Variants in TM4SF19 observed in about 807,000 individuals in gnomAD.
TM4SF19 encodes transmembrane 4 L six family member 19.
In TM4SF19, 17 loss-of-function variants were observed where a neutral mutation model predicts 21.8. The observed-to-expected ratio is 0.78, with a 90% CI of 0.53 to 1.17. The LOEUF (loss-of-function observed/expected upper bound fraction) is 1.17, where lower values mean the gene tolerates loss of function less well. Among genes scored for constraint, TM4SF19 ranks in the 50% most tolerant of loss-of-function variants. The probability of loss-of-function intolerance (pLI) is 0.00; values close to 1 mark genes in which losing one functional copy is unlikely to be tolerated. For missense variants in TM4SF19, 216 were observed against 252.1 expected, an observed-to-expected ratio of 0.86 and a Z score of 0.97; for synonymous variants, 107 against 106.7, an observed-to-expected ratio of 1.00 and a Z score of -0.02.
chr3:196,324,339 A>C lies in TM4SF19; in HGVS notation c.381T>G (p.Phe127Leu), dbSNP rs757669286. 4.3e-6 allele frequency: 7 copies of C among 1,614,126 alleles called. No homozygotes were observed. The highest frequency in any genetic ancestry group is 5.9e-6 in the Non-Finnish European group (7 of 1,180,058). The change falls in exon 4 of 5, where the codon TTT becomes TTG. Residue 127 changes from phenylalanine to leucine, a missense_variant. Coordinates refer to ENST00000273695, the MANE Select transcript of TM4SF19 (RefSeq NM_138461.4). ...VALKDGPFCM[F>L]DVSSFNQTQA... ...GTGTCTGATTGAAGGATGAAACATC[A>C]AACATGCAAAAAGGACCATCTTTCA...
chr3:196,326,565 C>T (rs1727300410), intron 3 of TM4SF19, among the ~76,000 whole-genome samples: 1 of 152,088 alleles, frequency 6.6e-6, no homozygotes, highest in South Asian at 2.1e-4. Context: ...GGAAAACTTT[C>T]CTGTTCTAAG....
chr3:196,335,968 T>C (rs1437986137), intron 1 of TM4SF19, among the ~76,000 whole-genome samples: 2 of 152,080 alleles, frequency 1.3e-5, no homozygotes, highest in African/African-American at 4.8e-5. Context: ...CTCTAGATCA[T>C]GGGGCCAGGA....
Position 196,327,545 on chromosome 3 carries a change from G to A in TM4SF19, c.46C>T (p.Arg16Cys), listed in dbSNP as rs867032740. The A allele has an allele frequency of 6.8e-6, 11 of 1,613,904 alleles. No individual in the cohort carries two copies. Among genetic ancestry groups the A allele is most frequent in the East Asian group, 4.5e-5 (2 of 44,890 alleles). The stretch of plus-strand genomic sequence containing the variant: ...GTCCCAAGGCTCAGTCCCAGGATAC[G>A]GGAGCAAGTCCGTGAGCTTGCCTGC... ...CTQASSRTCS[R>C]ILGLSLGTAA... The change falls in exon 2 of 5, where the codon CGT becomes TGT. Residue 16 changes from arginine to cysteine, a missense_variant. Transcript: ENST00000273695.
At chr3:196,334,888 G>GA (rs765718439) in intron 1 of TM4SF19, among the ~76,000 whole-genome samples, 16 of 1,192 alleles carry the variant, frequency 0.013, 7 homozygotes, top group East Asian at 0.14. Flanking sequence ...GTGTAGGAGA[G>GA]GGAAGGGTGC....
intron 1 of TM4SF19, among the ~76,000 whole-genome samples, chr3:196,331,211 A>G (rs60594415): frequency 0.35 from 53,350 of 151,586 alleles, 10,369 homozygotes; most frequent in East Asian, 0.81. Context: ...AGGAGGCAGA[A>G]GTTGCAGTGA....
At chr3:196,324,168 T>G (rs1349979244) in intron 4 of TM4SF19, 103 bp downstream of exon 4, 1 of 1,477,762 alleles carries the variant, frequency 6.8e-7, no homozygotes, top group East Asian at 2.3e-5. Flanking sequence ...AGCAAGATGC[T>G]AGGATGTGTG....
chr3:196,326,857 C>T (rs1667745921), intron 3 of TM4SF19, 98 bp downstream of exon 3: 1 of 909,210 alleles, frequency 1.1e-6, no homozygotes, highest in Non-Finnish European at 1.7e-6. Flanking sequence ...GACCTGACTT[C>T]AGGCCCCAAG....
intron 1 of TM4SF19, among the ~76,000 whole-genome samples, chr3:196,329,565 G>A (rs1215327503): frequency 8.2e-6 from 1 of 122,336 alleles, no homozygotes; most frequent in Non-Finnish European, 1.8e-5. Context: ...CTACTCGGAG[G>A]TTGAGGCAGG....
chr3:196,329,248 T>C (rs1727422795), intron 1 of TM4SF19, among the ~76,000 whole-genome samples: 1 of 126,852 alleles, frequency 7.9e-6, no homozygotes, highest in African/African-American at 2.6e-5. Flanking sequence ...GGCCAATAAA[T>C]GATTTTTTAA....
chr3:196,331,698 A>C (rs973793807), intron 1 of TM4SF19, among the ~76,000 whole-genome samples: 23 of 151,702 alleles, frequency 1.5e-4, no homozygotes, highest in Non-Finnish European at 7.4e-5. Context: ...GAGGCAGGAG[A>C]ATCACTTGAA....
intron 1 of TM4SF19, among the ~76,000 whole-genome samples, chr3:196,333,370 C>G (rs116463800): frequency 6.6e-6 from 1 of 152,268 alleles, no homozygotes; most frequent in Non-Finnish European, 1.5e-5. Context: ...ATTTATAAAT[C>G]AGGCATAGTA....
intron 1 of TM4SF19, among the ~76,000 whole-genome samples, chr3:196,335,587 G>C (rs1201363142): frequency 6.6e-6 from 1 of 151,588 alleles, no homozygotes; most frequent in Non-Finnish European, 1.5e-5. Flanking sequence ...GGGGCCCAAG[G>C]GTCCTGGGGC....
chr3:196,332,894 C>T (rs1167142164), intron 1 of TM4SF19, among the ~76,000 whole-genome samples: 2 of 145,946 alleles, frequency 1.4e-5, no homozygotes, highest in Non-Finnish European at 3.0e-5. Flanking sequence ...GCTCTGTCAC[C>T]CAGGCTGGAG....
At chr3:196,334,265 T>C (rs1186455987) in intron 1 of TM4SF19, among the ~76,000 whole-genome samples, 1 of 152,164 alleles carries the variant, frequency 6.6e-6, no homozygotes, top group Non-Finnish European at 1.5e-5. Context: ...CTATATTTCA[T>C]CTTCAACATA....
At chr3:196,335,743 C>G (rs1479911679) in intron 1 of TM4SF19, among the ~76,000 whole-genome samples, 6 of 152,014 alleles carry the variant, frequency 3.9e-5, no homozygotes, top group African/African-American at 7.3e-5. Flanking sequence ...CCCCTCACAG[C>G]CTGCCCACAC....
intron 3 of TM4SF19, 55 bp downstream of exon 3, chr3:196,326,900 G>A (rs2108806465): frequency 6.8e-7 from 1 of 1,477,786 alleles, no homozygotes; most frequent in East Asian, 2.3e-5. Flanking sequence ...CCTGCCTCTA[G>A]AGTAATAGAG....
At chr3:196,334,823 GGGTGCCCT>G (rs1727663841) in intron 1 of TM4SF19, among the ~76,000 whole-genome samples, 5 of 118,966 alleles carry the variant, frequency 4.2e-5, no homozygotes, top group South Asian at 2.8e-4. Flanking sequence ...GAGAGAGGAA[GGGTGCCCT>G]GAGAAGGTGG....
intron 3 of TM4SF19, 32 bp from the exon 4 acceptor site, chr3:196,324,472 C>T (rs199742700): frequency 1.5e-5 from 24 of 1,610,938 alleles, no homozygotes; most frequent in African/African-American, 2.7e-5. Flanking sequence ...TGAGCTAAGA[C>T]GGGGTCGCAG....
chr3:196,336,959 G>A (rs1329664116), intron 1 of TM4SF19, among the ~76,000 whole-genome samples: 1 of 151,846 alleles, frequency 6.6e-6, no homozygotes, highest in East Asian at 1.9e-4. Context: ...CAGACACTTG[G>A]GGGGCTAGGG....
Sources: gnomAD v4.1 joint callset for allele counts (sites outside exome capture counted in the v4.1 genomes callset) on GRCh38, gnomAD v4.1.1 for gene constraint, MANE v1.5 for transcripts, NCBI Gene and HGNC (gene_info 2026-07-23, HGNC 2026-07-21) for gene names.